The following NR5A2 variants were observed in gnomAD, a reference collection of about 807,000 sequenced individuals.
The protein encoded by NR5A2 is nuclear receptor subfamily 5 group A member 2, also known as CYP7A promoter-binding factor.
Under a neutral mutation model 62.7 loss-of-function variants are expected in NR5A2, and 26 were observed. That is an observed-to-expected ratio of 0.41 (90% CI 0.30 to 0.58). The LOEUF is 0.58. Among genes scored for constraint, NR5A2 ranks in the 20% least tolerant of loss-of-function variants. The pLI is 0.22. For missense variants in NR5A2, 541 were observed against 669.1 expected (o/e 0.81, Z 2.11); for synonymous variants, 246 against 241.7 (o/e 1.02, Z -0.16).
At chr1:200,113,332 A>C (rs1284649335) in intron 6 of NR5A2, among the ~76,000 whole-genome samples, 1 of 151,814 alleles carries the variant, frequency 6.6e-6, no homozygotes, top group Admixed American at 6.6e-5. Flanking sequence ...CACTTTTTTC[A>C]TCCAGTCCAG....
chr1:200,151,564 T>C (rs71633892), intron 7 of NR5A2, among the ~76,000 whole-genome samples: 3,073 of 152,252 alleles, frequency 0.02, 56 homozygotes, highest in Admixed American at 0.043. Flanking sequence ...CCAGACTGCA[T>C]TAGAAAAATC....
chr1:200,066,303 G>GT (rs1251854339), intron 5 of NR5A2, among the ~76,000 whole-genome samples: 1 of 152,120 alleles, frequency 6.6e-6, no homozygotes, highest in Non-Finnish European at 1.5e-5. Flanking sequence ...CAGGACTCAG[G>GT]TTTTTGGCTT....
chr1:200,119,005 T>C (rs574958017), intron 6 of NR5A2, among the ~76,000 whole-genome samples: 2 of 152,350 alleles, frequency 1.3e-5, no homozygotes, highest in African/African-American at 4.8e-5. Flanking sequence ...AGGTAGACAG[T>C]GCTGTACATG....
chr1:200,163,265 CAAA>C (rs374872273), intron 7 of NR5A2, among the ~76,000 whole-genome samples: 6 of 87,986 alleles, frequency 6.8e-5, no homozygotes, highest in Non-Finnish European at 1.1e-4. Context: ...ATGTCAAAGG[CAAA>C]AAAAAAAAAA....
chr1:200,087,684 C>T (rs763624567), intron 5 of NR5A2, among the ~76,000 whole-genome samples: 8 of 152,162 alleles, frequency 5.3e-5, no homozygotes, highest in Non-Finnish European at 8.8e-5. Flanking sequence ...AGTGAGCCAC[C>T]GCGCCCGGCT....
In NR5A2 at chr1:200,027,853, T is replaced by C. The variant is rs1456506795; in HGVS notation, c.6T>C (p.Ser2=). 1 of 1,604,010 alleles carries C rather than the reference T, an allele frequency of 6.2e-7. No homozygotes were observed. The highest frequency in any genetic ancestry group is 1.3e-5 in the African/African-American group (1 of 74,648). Residue 2 remains serine (S), a synonymous_variant, in exon 1 of 8, where the codon TCT becomes TCC. Coordinates refer to ENST00000367362, the MANE Select transcript of NR5A2 (RefSeq NM_205860.3). Reference sequence around the variant, plus strand: ...TGCCTATAATTTCACTAAGAATGTCTTCTAATTCAGATACTGGGGATTTAC... The same window carrying C: ...TGCCTATAATTTCACTAAGAATGTCCTCTAATTCAGATACTGGGGATTTAC... M[S]SNSDTGDLQE...
intron 5 of NR5A2, among the ~76,000 whole-genome samples, chr1:200,108,259 AT>A (rs975667533): frequency 3.8e-4 from 58 of 151,202 alleles, no homozygotes; most frequent in Admixed American, 2.4e-3. Flanking sequence ...TAATTTTTAC[AT>A]TTTTTTGTAA....
In NR5A2 at chr1:200,149,815, G is replaced by C. The variant is rs190813617; in HGVS notation, c.1379-24148G>C. ...AAGACTAACCATACAGTAGGTATCT[G>C]TGCCTATAATGATTTCACCAATATT... is the stretch of plus-strand genomic sequence containing the variant. On this transcript the variant is annotated intron_variant, in intron 7 of 7. Coordinates refer to ENST00000367362, the MANE Select transcript of NR5A2 (RefSeq NM_205860.3). Among the ~76,000 whole-genome samples, 73 of 152,260 alleles carry C rather than the reference G, an allele frequency of 4.8e-4. 1 individual carries two copies. Among genetic ancestry groups the C allele is most frequent in the Middle Eastern group, 3.4e-3 (1 of 294 alleles).
rs994877944 is a variant in NR5A2, at chr1:200,077,036, C to A, written c.1110+28218C>A. Among the ~76,000 whole-genome samples, 3 of 152,258 alleles carry A rather than the reference C, an allele frequency of 2.0e-5. No individual in the cohort carries two copies. In the East Asian group the frequency reaches 5.8e-4, roughly 29 times the overall value. On this transcript the variant is annotated intron_variant, in intron 5 of 7. Transcript: ENST00000367362. Reference sequence around the variant, plus strand: ...CAAACTATCCTTTTTCAAGAAAAAACCTAACAAGCGTTTAAGGCATAATAT... The same window carrying A: ...CAAACTATCCTTTTTCAAGAAAAAAACTAACAAGCGTTTAAGGCATAATAT...
At chr1:200,090,009 A>T (rs1386540763) in intron 5 of NR5A2, among the ~76,000 whole-genome samples, 1 of 151,010 alleles carries the variant, frequency 6.6e-6, no homozygotes, top group Non-Finnish European at 1.5e-5. Flanking sequence ...GACTATTTGA[A>T]ATGGGGACTA....
At chr1:200,036,644 A>T (rs1661790355) in intron 1 of NR5A2, among the ~76,000 whole-genome samples, 1 of 152,126 alleles carries the variant, frequency 6.6e-6, no homozygotes. Flanking sequence ...TGCCTTGTCC[A>T]CTGCTGGCGG....
At position 200,069,508 on chromosome 1, in the gene NR5A2, C is replaced by T. The variant is rs147567897; in HGVS notation, c.1110+20690C>T. Among the ~76,000 whole-genome samples, 963 of 152,230 alleles carry T rather than the reference C, an allele frequency of 6.3e-3. 5 individuals are homozygous for T. Among genetic ancestry groups the T allele is most frequent in the African/African-American group, 0.022 (925 of 41,550 alleles). On this transcript the variant is annotated intron_variant, in intron 5 of 7. Transcript: ENST00000367362. ...ACCTCAAATGATCCACCCACCTCAG[C>T]CTTCCAAAGTGCTGGGATTACAGGC...
chr1:200,036,268 C>A (rs1376747301), intron 1 of NR5A2, among the ~76,000 whole-genome samples: 2 of 152,180 alleles, frequency 1.3e-5, no homozygotes, highest in Non-Finnish European at 2.9e-5. Flanking sequence ...ATCTTAGACA[C>A]CGCAAACTCG....
At chr1:200,153,393 T>C (rs1286019911) in intron 7 of NR5A2, among the ~76,000 whole-genome samples, 1 of 152,176 alleles carries the variant, frequency 6.6e-6, no homozygotes, top group Admixed American at 6.5e-5. Context: ...CTGAGCCACA[T>C]AGGAGAATGT....
At position 200,164,633 on chromosome 1, in the gene NR5A2, C is replaced by T. The variant is rs184893746; in HGVS notation, c.1379-9330C>T. On this transcript the variant is annotated intron_variant, in intron 7 of 7. Transcript: ENST00000367362. ...CATGATCTCAGCTCACTGCAACCTC[C>T]ACCTCGTGGGTTCAAGTGATTCTCC... is the stretch of plus-strand genomic sequence containing the variant. 5.2e-3 allele frequency among the ~76,000 whole-genome samples: 789 copies of T among 151,268 alleles called. 9 individuals carry two copies. Among genetic ancestry groups the T allele is most frequent in the African/African-American group, 0.018 (750 of 41,130 alleles).
At chr1:200,139,894 A>T (rs1667374385) in intron 7 of NR5A2, among the ~76,000 whole-genome samples, 1 of 151,322 alleles carries the variant, frequency 6.6e-6, no homozygotes, top group East Asian at 1.9e-4. Context: ...TGTGTGGTAC[A>T]CAACACCAGT....
At chr1:200,149,186 A>T (rs1286089627) in intron 7 of NR5A2, among the ~76,000 whole-genome samples, 1 of 152,230 alleles carries the variant, frequency 6.6e-6, no homozygotes, top group Non-Finnish European at 1.5e-5. Context: ...GGCTGGGATT[A>T]CAGGCATGAG....
intron 7 of NR5A2, among the ~76,000 whole-genome samples, chr1:200,140,763 G>GCTAA: frequency 6.6e-6 from 1 of 152,298 alleles, no homozygotes. Context: ...GGGCGCAGTG[G>GCTAA]CTAACGCCTA....
chr1:200,059,598 C>T (rs1663095383), intron 5 of NR5A2, among the ~76,000 whole-genome samples: 1 of 152,178 alleles, frequency 6.6e-6, no homozygotes, highest in African/African-American at 2.4e-5. Flanking sequence ...TGTCTGCACA[C>T]TGTCATACAA....
Sources: allele counts gnomAD v4.1 joint callset (sites outside exome capture counted in the v4.1 genomes callset), GRCh38; gene constraint gnomAD v4.1.1; transcripts MANE v1.5; gene names NCBI Gene and HGNC (gene_info 2026-07-23, HGNC 2026-07-21).